The following SETBP1 variants were observed in gnomAD, a reference collection of about 807,000 sequenced individuals.
SETBP1 encodes the protein SET binding protein 1, also known as SET-binding protein.
In SETBP1, 9 loss-of-function variants were observed where a neutral mutation model predicts 101.0. The observed-to-expected ratio is 0.09, with a 90% CI of 0.05 to 0.16. SETBP1 has a LOEUF of 0.16. Ranked by LOEUF, SETBP1 falls within the 10% of genes least tolerant of loss-of-function variation. SETBP1 has a pLI of 1.00. For missense variants in SETBP1, 1,858 were observed against 2,033.8 expected (o/e 0.91, Z 1.66); for synonymous variants, 818 against 788.5 (o/e 1.04, Z -0.63).
At chr18:44,994,949 A>G (rs1415324533) in intron 4 of SETBP1, among the ~76,000 whole-genome samples, 2 of 152,164 alleles carry the variant, frequency 1.3e-5, no homozygotes, top group South Asian at 2.1e-4. Flanking sequence ...CAGCCCTTCA[A>G]GATACTCCCA....
At chr18:44,682,329 C>T (rs1325267913) in intron 1 of SETBP1, among the ~76,000 whole-genome samples, 1 of 152,198 alleles carries the variant, frequency 6.6e-6, no homozygotes, top group Non-Finnish European at 1.5e-5. Flanking sequence ...ATCTTCAACA[C>T]TGGACCAGAC....
Position 44,701,587 on chromosome 18 carries a change from G to A in SETBP1, c.241G>A (p.Val81Met). The part of the protein sequence containing the change: ...SNSNADSEKW[V>M]AGDGLEEQEF... ...CTCCAACGCGGACAGTGAGAAATGG[G>A]TGGCAGGAGATGGTTTGGAAGAGCA... Residue 81 changes from valine (V) to methionine (M), a missense_variant, in exon 2 of 6, where the codon GTG becomes ATG. Physicochemically the swap from Val to Met is conservative, Grantham distance 21. Around this residue, in one of 12 missense-constraint regions of SETBP1, gnomAD observed 28 missense variants for 59.2 expected, o/e 0.47. Coordinates refer to ENST00000649279, the MANE Select transcript of SETBP1 (RefSeq NM_015559.3). 1 of 1,614,230 alleles carries A rather than the reference G, an allele frequency of 6.2e-7. No individual in the cohort carries two copies. The highest frequency in any genetic ancestry group is 1.1e-5 in the South Asian group (1 of 91,088).
In SETBP1 at chr18:44,847,147, G is replaced by T. The variant is rs370905167; in HGVS notation, c.487-22083G>T. Among the ~76,000 whole-genome samples the T allele has an allele frequency of 5.1e-4, 78 of 152,314 alleles. No individual in the cohort carries two copies. In the South Asian group the frequency reaches 0.015, roughly 30 times the overall value. On this transcript the variant is annotated intron_variant, in intron 2 of 5. Transcript: ENST00000649279. ...CCTGTGGGAAGGAAGGTTAAGAATA[G>T]GCATAACACTACAGTGATTAGAACA...
Position 44,866,889 on chromosome 18 carries a change from A to G in SETBP1, c.487-2341A>G, listed in dbSNP as rs558109653. Among the ~76,000 whole-genome samples the G allele has an allele frequency of 2.4e-4, 36 of 152,362 alleles. 1 individual carries two copies. Among genetic ancestry groups the G allele is most frequent in the Middle Eastern group, 6.8e-3 (2 of 294 alleles). ...AGTTAGTTAAGGGTTGTTCACCAGG[A>G]TACATGCTTTATGTTACTTTCTGTG... is the stretch of plus-strand genomic sequence containing the variant. On this transcript the variant is annotated intron_variant, in intron 2 of 5. Transcript: ENST00000649279.
At chr18:44,904,044 C>T (rs73489157) in intron 3 of SETBP1, among the ~76,000 whole-genome samples, 259 of 152,270 alleles carry the variant, frequency 1.7e-3, no homozygotes, top group African/African-American at 5.3e-3. Flanking sequence ...ACTGAGTCTA[C>T]AGCAGGCAAC....
At chr18:44,747,975 G>C in intron 2 of SETBP1, among the ~76,000 whole-genome samples, 1 of 152,182 alleles carries the variant, frequency 6.6e-6, no homozygotes, top group East Asian at 1.9e-4. Flanking sequence ...GGTTGTATTT[G>C]TAAAGATGCT....
At chr18:44,757,271 C>T (rs180728917) in intron 2 of SETBP1, among the ~76,000 whole-genome samples, 2 of 152,200 alleles carry the variant, frequency 1.3e-5, no homozygotes, top group African/African-American at 2.4e-5. Context: ...CATTTTTGTC[C>T]GTGAAAAATG....
At chr18:44,899,933 T>C (rs2070002136) in intron 3 of SETBP1, among the ~76,000 whole-genome samples, 1 of 152,126 alleles carries the variant, frequency 6.6e-6, no homozygotes, top group African/African-American at 2.4e-5. Context: ...GAACAGTAAA[T>C]ATTTTAGGCT....
intron 4 of SETBP1, chr18:44,986,259 T>A (rs1302614752): frequency 6.6e-6 from 1 of 152,132 alleles, no homozygotes; most frequent in African/African-American, 2.4e-5. Context: ...ATAGAAAAGG[T>A]ACAGCAAAAA....
intron 3 of SETBP1, among the ~76,000 whole-genome samples, chr18:44,940,940 A>C (rs1390582342): frequency 6.6e-6 from 1 of 151,988 alleles, no homozygotes; most frequent in Non-Finnish European, 1.5e-5. Flanking sequence ...ATTTATCTGA[A>C]TATCTTTATT....
intron 5 of SETBP1, 35 bp downstream of exon 5, chr18:45,038,690 AG>A (rs1568044451): frequency 1.2e-6 from 2 of 1,611,374 alleles, no homozygotes; most frequent in Admixed American, 1.7e-5. Flanking sequence ...GTTCACCCCA[AG>A]CAAGATGAAT....
In SETBP1 at chr18:45,063,168, C is replaced by T. The variant is rs1184325312; in HGVS notation, c.4261C>T (p.Leu1421=). 6.2e-7 allele frequency: 1 copy of T among 1,614,034 alleles called. No homozygotes were observed. The highest frequency in any genetic ancestry group is 2.2e-5 in the East Asian group (1 of 44,860). ...VRKMCNYTKI[L]STKKNLDHVN... The stretch of plus-strand genomic sequence containing the variant: ...GAAGATGTGCAACTACACCAAGATC[C>T]TGTCCACCAAGAAGAACCTGGACCA... The change falls in exon 6 of 6, where the codon CTG becomes TTG. Residue 1421 remains leucine (L), a synonymous_variant. Coordinates refer to ENST00000649279, the MANE Select transcript of SETBP1 (RefSeq NM_015559.3).
intron 2 of SETBP1, among the ~76,000 whole-genome samples, chr18:44,868,757 A>G: frequency 1.2e-5 from 1 of 86,034 alleles, no homozygotes; most frequent in African/African-American, 3.9e-5. Flanking sequence ...GAAGGAAGGA[A>G]GGAAGGAAGG....
chr18:44,703,754 T>A (rs376227752), intron 2 of SETBP1, among the ~76,000 whole-genome samples: 74 of 152,280 alleles, frequency 4.9e-4, no homozygotes, highest in African/African-American at 1.7e-3. Flanking sequence ...TTGCAGTGAT[T>A]TCTGGATACT....
At chr18:44,946,826 C>T (rs1179905157) in intron 3 of SETBP1, among the ~76,000 whole-genome samples, 1 of 152,094 alleles carries the variant, frequency 6.6e-6, no homozygotes, top group African/African-American at 2.4e-5. Flanking sequence ...AAATAAATGC[C>T]ACCTAGCAGT....
chr18:45,067,947 TC>T lies in SETBP1; in HGVS notation c.*4251del, dbSNP rs1367205979. 6.6e-6 allele frequency: 1 copy of T among 152,180 alleles called. No individual in the cohort carries two copies. 9.4% of individuals were successfully genotyped at this position (152,180 alleles called of 1,614,324 possible). ...CCTAGATTGGTGTCTTTCTTTTTCT[TC>T]CTTTTTTTAAAAAAAATCTATTTCT... On this transcript the variant is annotated 3_prime_UTR_variant, in exon 6 of 6. Coordinates refer to ENST00000649279, the MANE Select transcript of SETBP1 (RefSeq NM_015559.3).
chr18:44,871,436 G>C (rs935484977), intron 3 of SETBP1: 3 of 152,140 alleles, frequency 2.0e-5, no homozygotes, highest in African/African-American at 7.2e-5. Context: ...ATCATTGACT[G>C]TCAGGAGGGG....
At chr18:44,930,673 A>G (rs1324998163) in intron 3 of SETBP1, among the ~76,000 whole-genome samples, 1 of 152,082 alleles carries the variant, frequency 6.6e-6, no homozygotes, top group African/African-American at 2.4e-5. Flanking sequence ...GGGAGGGTGT[A>G]TGTGTCCAGG....
chr18:44,979,881 T>C (rs1168226944), intron 4 of SETBP1, among the ~76,000 whole-genome samples: 1 of 152,250 alleles, frequency 6.6e-6, no homozygotes, highest in Non-Finnish European at 1.5e-5. Context: ...CCTCATTTAA[T>C]ACATTTACAA....
Sources: allele counts gnomAD v4.1 joint callset (sites outside exome capture counted in the v4.1 genomes callset), GRCh38; gene constraint gnomAD v4.1.1; regional missense constraint gnomAD v4.1.1; transcripts MANE v1.5; gene names NCBI Gene and HGNC (gene_info 2026-07-23, HGNC 2026-07-21).